The following MYBL2 variants were observed in gnomAD, a reference collection of about 807,000 sequenced individuals.
MYBL2 encodes the protein MYB proto-oncogene like 2, also known as myb-related protein B.
MYBL2 carries 28 observed loss-of-function variants against 79.9 expected under a neutral mutation model. The observed-to-expected ratio is 0.35, with a 90% CI of 0.26 to 0.48. The LOEUF (loss-of-function observed/expected upper bound fraction) is 0.48, where lower values mean the gene tolerates loss of function less well. Among genes scored for constraint, MYBL2 ranks in the 20% least tolerant of loss-of-function variants. The probability of loss-of-function intolerance (pLI) is 0.99; values close to 1 mark genes in which losing one functional copy is unlikely to be tolerated. For synonymous variants in MYBL2, 378 were observed against 361.2 expected (o/e 1.05, Z -0.53); for missense variants, 735 against 893.9 (o/e 0.82, Z 2.27).
chr20:43,710,541 G>A (rs1224878077), intron 10 of MYBL2, among the ~76,000 whole-genome samples: 2 of 152,222 alleles, frequency 1.3e-5, no homozygotes, highest in Non-Finnish European at 2.9e-5. Flanking sequence ...TGGGATGGTT[G>A]TGTTTTCTCT....
In MYBL2 at chr20:43,711,548, G is replaced by A. The variant is rs1399901346; in HGVS notation, c.1666G>A (p.Glu556Lys). The change falls in exon 11 of 14, where the codon GAA (glutamate) becomes AAA (lysine). Residue 556 changes from glutamate to lysine, a missense_variant. By Grantham distance (56) the Glu-to-Lys change is moderately conservative. Around this residue, in one of 5 missense-constraint regions of MYBL2, gnomAD observed 204 missense variants for 202.9 expected, o/e 1.01. Coordinates refer to ENST00000217026, the MANE Select transcript of MYBL2 (RefSeq NM_002466.4). ...GGTGCTGCGTTCTGAGGCTGGCATC[G>A]AACTCATCATCGAGGACGACATCAG... The part of the protein sequence containing the change: ...KEVLRSEAGI[E>K]LIIEDDIRPE... 8 of 1,613,648 alleles carry A rather than the reference G, an allele frequency of 5.0e-6. No individual in the cohort carries two copies. Among genetic ancestry groups the A allele is most frequent in the African/African-American group, 4.0e-5 (3 of 74,892 alleles).
At chr20:43,711,703 A>G in intron 11 of MYBL2, 102 bp downstream of exon 11, 1 of 1,020,274 alleles carries the variant, frequency 9.8e-7, no homozygotes, top group South Asian at 1.5e-5. Context: ...CGCTGGGGAG[A>G]ATGGGGGCGT....
At chr20:43,671,389 C>T (rs750435229) in intron 1 of MYBL2, among the ~76,000 whole-genome samples, 138 of 151,672 alleles carry the variant, frequency 9.1e-4, no homozygotes, top group Admixed American at 2.2e-3. Flanking sequence ...AACTCCTGAC[C>T]TTGTGATCCA....
At chr20:43,674,756 T>C (rs1384227648) in intron 2 of MYBL2, among the ~76,000 whole-genome samples, 1 of 151,642 alleles carries the variant, frequency 6.6e-6, no homozygotes, top group Non-Finnish European at 1.5e-5. Context: ...AATCTCGAAC[T>C]CCTGACCCCA....
intron 6 of MYBL2, among the ~76,000 whole-genome samples, chr20:43,694,975 G>C (rs1301917997): frequency 6.6e-6 from 1 of 151,922 alleles, no homozygotes; most frequent in Non-Finnish European, 1.5e-5. Context: ...TGAGTGTCTG[G>C]AGTGCTGGCT....
intron 7 of MYBL2, among the ~76,000 whole-genome samples, chr20:43,700,952 T>G (rs1422306441): frequency 6.6e-6 from 1 of 152,158 alleles, no homozygotes; most frequent in East Asian, 1.9e-4. Context: ...AATGAGTAAT[T>G]ACAGTACCTA....
At chr20:43,697,705 C>T (rs578146074) in intron 6 of MYBL2, among the ~76,000 whole-genome samples, 5 of 152,176 alleles carry the variant, frequency 3.3e-5, no homozygotes, top group South Asian at 2.1e-4. Context: ...AGATGGAGAC[C>T]ATCCTGGCTA....
intron 4 of MYBL2, among the ~76,000 whole-genome samples, chr20:43,685,584 C>T (rs1255016485): frequency 6.6e-6 from 1 of 151,982 alleles, no homozygotes. Flanking sequence ...ATGGTGAAAC[C>T]CTGTCTACCA....
At chr20:43,694,554 A>G (rs1987488081) in intron 6 of MYBL2, among the ~76,000 whole-genome samples, 1 of 152,178 alleles carries the variant, frequency 6.6e-6, no homozygotes, top group African/African-American at 2.4e-5. Flanking sequence ...TTCTTCCACA[A>G]TGCCCTGCTA....
intron 6 of MYBL2, among the ~76,000 whole-genome samples, chr20:43,696,188 A>C (rs1027027704): frequency 2.6e-5 from 4 of 151,894 alleles, no homozygotes; most frequent in African/African-American, 9.7e-5. Context: ...CATTGCAAAA[A>C]CTTAACAACT....
At chr20:43,680,692 G>A (rs770318180) in intron 2 of MYBL2, among the ~76,000 whole-genome samples, 3 of 151,584 alleles carry the variant, frequency 2.0e-5, no homozygotes, top group African/African-American at 7.3e-5. Flanking sequence ...ATGGGGTTTC[G>A]CCATATTGGC....
intron 2 of MYBL2, among the ~76,000 whole-genome samples, chr20:43,676,742 G>A (rs1031718238): frequency 1.3e-5 from 2 of 152,156 alleles, no homozygotes; most frequent in African/African-American, 4.8e-5. Context: ...TTAATGGATT[G>A]TACCATTTTA....
Position 43,705,248 on chromosome 20 carries a change from A to T in MYBL2, c.1395A>T (p.Thr465=). The T allele has an allele frequency of 2.5e-6, 4 of 1,614,052 alleles. No homozygotes were observed. Among genetic ancestry groups the T allele is most frequent in the Non-Finnish European group, 3.4e-6 (4 of 1,179,962 alleles). The part of the protein sequence containing the change: ...QFLNFWNKQD[T]LELESPSLTS... Reference sequence around the variant, plus strand: ...TGAACTTCTGGAACAAACAGGACACATTGGAGCTGGAGAGCCCCTCGCTGA... The same window carrying T: ...TGAACTTCTGGAACAAACAGGACACTTTGGAGCTGGAGAGCCCCTCGCTGA... The change falls in exon 9 of 14, where the codon ACA becomes ACT. Residue 465 remains threonine (T), a synonymous_variant. Coordinates refer to ENST00000217026, the MANE Select transcript of MYBL2 (RefSeq NM_002466.4).
intron 4 of MYBL2, among the ~76,000 whole-genome samples, chr20:43,685,502 T>G (rs1016961167): frequency 6.6e-6 from 1 of 151,984 alleles, no homozygotes; most frequent in Non-Finnish European, 1.5e-5. Context: ...CTCTTAAGAA[T>G]AAAATAAAAT....
chr20:43,711,732 C>G, intron 11 of MYBL2, 131 bp downstream of exon 11: 1 of 738,786 alleles, frequency 1.4e-6, no homozygotes, highest in Non-Finnish European at 2.2e-6. Flanking sequence ...CCCTTTGCCC[C>G]CTTTCGCACG....
At chr20:43,690,709 G>T (rs2145720536) in intron 5 of MYBL2, among the ~76,000 whole-genome samples, 1 of 152,108 alleles carries the variant, frequency 6.6e-6, no homozygotes, top group African/African-American at 2.4e-5. Flanking sequence ...ATTCTGCTTG[G>T]CACTCCAAAG....
chr20:43,707,775 C>CG, intron 9 of MYBL2, among the ~76,000 whole-genome samples: 1 of 152,012 alleles, frequency 6.6e-6, no homozygotes. Context: ...TTTTCCCCCC[C>CG]GGCTTTCATA....
intron 6 of MYBL2, among the ~76,000 whole-genome samples, chr20:43,696,889 G>A (rs1356185655): frequency 3.9e-5 from 6 of 152,290 alleles, no homozygotes; most frequent in Non-Finnish European, 7.3e-5. Flanking sequence ...ACCATGCCCA[G>A]CTAATTTTTG....
chr20:43,687,285 G>A (rs1987300037), intron 5 of MYBL2, among the ~76,000 whole-genome samples: 1 of 152,180 alleles, frequency 6.6e-6, no homozygotes, highest in Non-Finnish European at 1.5e-5. Context: ...AGAACAGATG[G>A]TGATAAGGGA....
Sources: gnomAD v4.1 joint callset for allele counts (sites outside exome capture counted in the v4.1 genomes callset) on GRCh38, gnomAD v4.1.1 for gene constraint, gnomAD v4.1.1 regional missense constraint, MANE v1.5 for transcripts, NCBI Gene and HGNC (gene_info 2026-07-23, HGNC 2026-07-21) for gene names.